Variants in SULF1 observed in about 807,000 individuals in gnomAD.
SULF1 encodes sulfatase 1.
Under a neutral mutation model 110.5 loss-of-function variants are expected in SULF1, and 46 were observed. The observed-to-expected ratio is 0.42, with a 90% CI of 0.33 to 0.53. SULF1 has a LOEUF of 0.53. Among genes scored for constraint, SULF1 ranks in the 20% least tolerant of loss-of-function variants. SULF1 has a pLI of 0.12. For synonymous variants in SULF1, 371 were observed against 387.1 expected (o/e 0.96, Z 0.49); for missense variants, 941 against 1,094.2 (o/e 0.86, Z 1.98).
intron 22 of SULF1, chr8:69,642,502 G>A: frequency 1.6e-6 from 1 of 638,054 alleles, no homozygotes. Context: ...ATAAGACAGA[G>A]CAGAAGACCC....
In SULF1 at chr8:69,576,161, G is replaced by T. The variant is rs888350690; in HGVS notation, c.364G>T (p.Glu122Ter). ...TTCCCCCTCGTGGCAGGCCATGCAT[G>T]AGCCTCGGACTTTTGCTGTATATCT... Reference protein sequence around the residue: ...CSSPSWQAMHEPRTFAVYLNN... With the variant: ...CSSPSWQAMH The change falls in exon 6 of 23, where the codon GAG becomes TAG. Residue 122 changes from glutamate (E) to a stop codon, truncating the protein, a stop_gained. Transcript: ENST00000402687. LOFTEE classifies it high-confidence loss of function. 2 of 1,614,080 alleles carry T rather than the reference G, an allele frequency of 1.2e-6. No individual in the cohort carries two copies. Among genetic ancestry groups the T allele is most frequent in the African/African-American group, 2.7e-5 (2 of 74,918 alleles).
intron 19 of SULF1, among the ~76,000 whole-genome samples, chr8:69,635,608 A>G (rs1460439770): frequency 6.6e-6 from 1 of 152,210 alleles, no homozygotes; most frequent in Non-Finnish European, 1.5e-5. Flanking sequence ...GTGGTGGCTC[A>G]CGCCTGTAAG....
intron 3 of SULF1, among the ~76,000 whole-genome samples, chr8:69,521,592 C>G (rs1373901150): frequency 6.6e-6 from 1 of 151,952 alleles, no homozygotes; most frequent in Admixed American, 6.6e-5. Flanking sequence ...ATTACAGGAA[C>G]CACAAGGGAC....
intron 22 of SULF1, among the ~76,000 whole-genome samples, chr8:69,651,056 CTTT>C (rs1473830022): frequency 7.3e-6 from 1 of 137,468 alleles, no homozygotes; most frequent in African/African-American, 2.8e-5. Flanking sequence ...TTTTTCTTTT[CTTT>C]TTTTTTTTTT....
At chr8:69,573,063 G>A (rs900283962) in intron 5 of SULF1, among the ~76,000 whole-genome samples, 1 of 152,208 alleles carries the variant, frequency 6.6e-6, no homozygotes, top group African/African-American at 2.4e-5. Flanking sequence ...CCCGCCTCAG[G>A]TGATTTGCCC....
At chr8:69,524,185 G>A (rs906975321) in intron 3 of SULF1, among the ~76,000 whole-genome samples, 4 of 152,092 alleles carry the variant, frequency 2.6e-5, no homozygotes, top group South Asian at 2.1e-4. Flanking sequence ...AAAGCAGGCC[G>A]GCAGGCTTTA....
At chr8:69,500,300 T>A (rs371421613) in intron 2 of SULF1, among the ~76,000 whole-genome samples, 16 of 152,286 alleles carry the variant, frequency 1.1e-4, no homozygotes, top group African/African-American at 3.9e-4. Context: ...ACATCAACCC[T>A]ATGGGGTAGA....
At position 69,658,477 on chromosome 8, in the gene SULF1, T is replaced by C. The variant is rs757810938; in HGVS notation, c.2586-28T>C. Reference sequence around the variant, plus strand: ...AAGTAGAAAGCCTTTTCTCCACTAATGATTCACCTTCTTCTCTCTTTTCAC... The same window carrying C: ...AAGTAGAAAGCCTTTTCTCCACTAACGATTCACCTTCTTCTCTCTTTTCAC... On this transcript the variant is annotated intron_variant, in intron 22 of 22. Coordinates refer to ENST00000402687, the MANE Select transcript of SULF1 (RefSeq NM_001128205.2). 1.7e-4 allele frequency: 257 copies of C among 1,540,348 alleles called. 1 individual carries two copies. In the Admixed American group the frequency reaches 5.0e-3, roughly 30 times the overall value.
intron 3 of SULF1, among the ~76,000 whole-genome samples, chr8:69,558,848 A>T (rs1453315342): frequency 1.3e-5 from 2 of 152,178 alleles, no homozygotes; most frequent in South Asian, 2.1e-4. Flanking sequence ...TTACAAGTGA[A>T]AACTGAGAAA....
In SULF1 at chr8:69,660,045, A is replaced by C. The variant is rs1586656603; in HGVS notation, c.*1510A>C. ...TGTTGGTGGTGAAAATAAATAAATA[A>C]GTAAACAAAATGAAGATTGCCTGCT... On this transcript the variant is annotated 3_prime_UTR_variant, in exon 23 of 23. Coordinates refer to ENST00000402687, the MANE Select transcript of SULF1 (RefSeq NM_001128205.2). The C allele has an allele frequency of 2.0e-5, 3 of 152,800 alleles. No homozygotes were observed. The highest frequency in any genetic ancestry group is 2.1e-4 in the South Asian group (1 of 4,830). 9.5% of individuals were successfully genotyped at this position (152,800 alleles called of 1,614,324 possible).
chr8:69,621,096 G>A lies in SULF1; in HGVS notation c.1439G>A (p.Ser480Asn). The A allele has an allele frequency of 6.2e-7, 1 of 1,614,116 alleles. No homozygotes were observed. The highest frequency in any genetic ancestry group is 2.2e-5 in the East Asian group (1 of 44,886). Residue 480 changes from serine (S) to asparagine (N), a missense_variant, in exon 14 of 23, where the codon AGT becomes AAT. This residue lies in a region of SULF1 where 822 missense variants were observed against 934.3 expected (regional missense o/e 0.88). Coordinates refer to ENST00000402687, the MANE Select transcript of SULF1 (RefSeq NM_001128205.2). Reference protein sequence around the residue: ...KLRIHKCKGPSDLLTVRQSTR... With the variant: ...KLRIHKCKGPNDLLTVRQSTR... ...CGAATTCACAAGTGTAAAGGACCCAGTGACCTGCTCACAGTCCGGCAGAGC... is the reference window on the plus strand; with the variant it reads ...CGAATTCACAAGTGTAAAGGACCCAATGACCTGCTCACAGTCCGGCAGAGC...
In SULF1 at chr8:69,600,747, G is replaced by T; in HGVS notation, c.879G>T (p.Val293=). 6.2e-7 allele frequency: 1 copy of T among 1,613,746 alleles called. No homozygotes were observed. The highest frequency in any genetic ancestry group is 1.1e-5 in the South Asian group (1 of 91,008). The part of the protein sequence containing the change: ...LQTLMSVDDS[V]ERLYNMLVET... ...CTTTGATGTCAGTGGATGATTCTGT[G>T]GAGAGGGTAAGCACATGAACCTACC... is the stretch of plus-strand genomic sequence containing the variant. Residue 293 remains valine, a synonymous_variant, in exon 9 of 23, where the codon GTG becomes GTT. Transcript: ENST00000402687.
intron 5 of SULF1, among the ~76,000 whole-genome samples, chr8:69,568,850 C>G (rs905154461): frequency 2.0e-5 from 3 of 152,144 alleles, no homozygotes; most frequent in Non-Finnish European, 4.4e-5. Flanking sequence ...AGTACATTCA[C>G]ATTCTATTTC....
rs147469113 is a variant in SULF1, at chr8:69,520,881, C to G, written c.-134+18913C>G. Among the ~76,000 whole-genome samples the G allele has an allele frequency of 3.2e-4, 49 of 152,280 alleles. No individual in the cohort carries two copies. The East Asian group carries it at 9.1e-3, about 28-fold the overall frequency. ...CCTGCTCTGAGTTTTGATTTTATAT[C>G]AGACCCTAAAATGAGGCCACTCAAC... On this transcript the variant is annotated intron_variant, in intron 3 of 22. Coordinates refer to ENST00000402687, the MANE Select transcript of SULF1 (RefSeq NM_001128205.2).
intron 3 of SULF1, among the ~76,000 whole-genome samples, chr8:69,554,795 T>C (rs2150700755): frequency 6.6e-6 from 1 of 151,868 alleles, no homozygotes. Context: ...CTGGCTAACA[T>C]GGTGAAACCC....
At chr8:69,526,970 C>A (rs1812742079) in intron 3 of SULF1, among the ~76,000 whole-genome samples, 1 of 152,158 alleles carries the variant, frequency 6.6e-6, no homozygotes, top group Non-Finnish European at 1.5e-5. Context: ...ATAATAGACT[C>A]TTGTAAGTGT....
intron 13 of SULF1, among the ~76,000 whole-genome samples, chr8:69,613,583 G>A (rs924301517): frequency 6.6e-6 from 1 of 152,084 alleles, no homozygotes; most frequent in African/African-American, 2.4e-5. Context: ...GCCCATTTTA[G>A]ATATGAAGAG....
chr8:69,520,200 A>G (rs1383444039), intron 3 of SULF1, among the ~76,000 whole-genome samples: 1 of 151,652 alleles, frequency 6.6e-6, no homozygotes, highest in African/African-American at 2.4e-5. Flanking sequence ...TTCACACAAT[A>G]TTGTTATTAT....
chr8:69,508,324 C>T (rs1016253587), intron 3 of SULF1, among the ~76,000 whole-genome samples: 1 of 152,084 alleles, frequency 6.6e-6, no homozygotes, highest in South Asian at 2.1e-4. Context: ...AAGCTGGTCT[C>T]GAACTCCCAA....
Sources: gnomAD v4.1 joint callset for allele counts (sites outside exome capture counted in the v4.1 genomes callset) on GRCh38, gnomAD v4.1.1 for gene constraint, gnomAD v4.1.1 regional missense constraint, MANE v1.5 for transcripts, NCBI Gene and HGNC (gene_info 2026-07-23, HGNC 2026-07-21) for gene names.